DIP2B: variants seen among roughly 807,000 people sequenced by gnomAD.
DIP2B encodes the protein DIP2 acetate--CoA ligase B (putative).
A neutral mutation model predicts 198.0 loss-of-function variants in DIP2B; 76 were observed. That is an observed-to-expected ratio of 0.38 (90% CI 0.32 to 0.46). DIP2B has a LOEUF of 0.46. DIP2B is among the 20% of genes least tolerant of loss of function. The pLI is 0.99. For missense variants in DIP2B, 1,559 were observed against 1,978.4 expected (o/e 0.79, Z 4.02); for synonymous variants, 701 against 739.1 (o/e 0.95, Z 0.84).
At position 50,665,678 on chromosome 12, in the gene DIP2B, A is replaced by G. The variant is rs1938739787; in HGVS notation, c.427+5359A>G. ...TGTGTGCCTGTGGTTGTAGCCACTC[A>G]GGAGGCTGAGGTGGGAGAATCACTT... On this transcript the variant is annotated intron_variant, in intron 4 of 37. Coordinates refer to ENST00000301180, the MANE Select transcript of DIP2B (RefSeq NM_173602.3). Among the ~76,000 whole-genome samples the G allele has an allele frequency of 2.0e-5, 3 of 152,010 alleles. No individual in the cohort carries two copies. The South Asian group carries it at 6.2e-4, about 32-fold the overall frequency.
intron 1 of DIP2B, among the ~76,000 whole-genome samples, chr12:50,557,481 G>A (rs1269841380): frequency 6.6e-6 from 1 of 152,226 alleles, no homozygotes; most frequent in South Asian, 2.1e-4. Context: ...ATAAAGCATC[G>A]GCTGTACATT....
At chr12:50,595,146 A>T (rs1958867631) in intron 1 of DIP2B, among the ~76,000 whole-genome samples, 1 of 152,218 alleles carries the variant, frequency 6.6e-6, no homozygotes, top group Admixed American at 6.5e-5. Context: ...ACACATTCAC[A>T]GCCATTGGCT....
chr12:50,549,078 A>G (rs1958402230), intron 1 of DIP2B, among the ~76,000 whole-genome samples: 1 of 151,994 alleles, frequency 6.6e-6, no homozygotes, highest in South Asian at 2.1e-4. Flanking sequence ...ATTCCGGAGT[A>G]GTGAAACTTT....
chr12:50,627,401 A>G (rs111604875), intron 2 of DIP2B, among the ~76,000 whole-genome samples: 31 of 152,190 alleles, frequency 2.0e-4, no homozygotes, highest in African/African-American at 5.1e-4. Context: ...TGGTGCGATC[A>G]TGGTTCACTA....
chr12:50,663,081 C>G (rs1938681067), intron 4 of DIP2B, among the ~76,000 whole-genome samples: 1 of 152,054 alleles, frequency 6.6e-6, no homozygotes, highest in East Asian at 1.9e-4. Flanking sequence ...TCAGTCCAGC[C>G]TGGGTGACAG....
rs1940371464 is a variant in DIP2B at position 50,748,575 on chromosome 12, AATTTAAC to A, written c.*3739_*3745del. On this transcript the variant is annotated 3_prime_UTR_variant, in exon 38 of 38. Coordinates refer to ENST00000301180, the MANE Select transcript of DIP2B (RefSeq NM_173602.3). ...AAGTTAGACTAGATATACGTTTTTA[AATTTAAC>A]ATCTGGCTGGACAGTGTTCTATTAA... 6.6e-6 allele frequency: 1 copy of A among 152,636 alleles called. No individual in the cohort carries two copies. The highest frequency in any genetic ancestry group is 2.4e-5 in the African/African-American group (1 of 41,450). 9.5% of individuals were successfully genotyped at this position (152,636 alleles called of 1,614,324 possible). A position where few individuals can be genotyped will look rare whatever the true frequency, so the allele number is the denominator to read the frequency against.
chr12:50,594,381 T>C (rs1178926574), intron 1 of DIP2B, among the ~76,000 whole-genome samples: 2 of 152,216 alleles, frequency 1.3e-5, no homozygotes, highest in African/African-American at 4.8e-5. Context: ...CTCTTTGATA[T>C]GAATTCCCAT....
chr12:50,708,516 A>G lies in DIP2B; in HGVS notation c.2603A>G (p.Asp868Gly). 6.2e-7 allele frequency: 1 copy of G among 1,607,384 alleles called. No individual in the cohort carries two copies. The highest frequency in any genetic ancestry group is 2.2e-5 in the East Asian group (1 of 44,770). The change falls in exon 22 of 38, where the codon GAT becomes GGT. Residue 868 changes from aspartate to glycine, a missense_variant. Physicochemically the swap from Asp to Gly is moderately conservative, Grantham distance 94. Coordinates refer to ENST00000301180, the MANE Select transcript of DIP2B (RefSeq NM_173602.3). ...GTGGTGGTTGCGGAACAAAGACCTG[A>G]TGCTTCTGAGGAAGATAGTTTCCAG... ...RIVVVAEQRP[D>G]ASEEDSFQWM...
chr12:50,517,287 G>C (rs1958074667), intron 1 of DIP2B, among the ~76,000 whole-genome samples: 1 of 151,714 alleles, frequency 6.6e-6, no homozygotes, highest in Non-Finnish European at 1.5e-5. Context: ...TTGTTTCCCA[G>C]GCTGATCTCA....
At chr12:50,514,556 G>A (rs959554851) in intron 1 of DIP2B, among the ~76,000 whole-genome samples, 11 of 152,130 alleles carry the variant, frequency 7.2e-5, no homozygotes, top group African/African-American at 2.4e-4. Context: ...TCTCTTTTGA[G>A]ATCTTGGGAT....
chr12:50,740,146 G>A, intron 36 of DIP2B, among the ~76,000 whole-genome samples: 1 of 152,192 alleles, frequency 6.6e-6, no homozygotes, highest in East Asian at 1.9e-4. Flanking sequence ...CTTCCAGACT[G>A]ACACTTATAG....
intron 1 of DIP2B, among the ~76,000 whole-genome samples, chr12:50,600,050 C>G (rs1238437003): frequency 2.6e-5 from 4 of 152,172 alleles, no homozygotes; most frequent in South Asian, 2.1e-4. Flanking sequence ...TAAGCTACCT[C>G]AAATGTCAGA....
chr12:50,576,629 T>C (rs1485375291), intron 1 of DIP2B, among the ~76,000 whole-genome samples: 1 of 151,186 alleles, frequency 6.6e-6, no homozygotes, highest in Non-Finnish European at 1.5e-5. Flanking sequence ...CAGGCGCCCG[T>C]CACCACGCCT....
At chr12:50,507,184 G>T (rs1452390022) in intron 1 of DIP2B, among the ~76,000 whole-genome samples, 2 of 152,154 alleles carry the variant, frequency 1.3e-5, no homozygotes, top group African/African-American at 4.8e-5. Flanking sequence ...TCCAATGAAG[G>T]ATTATTTTGG....
intron 17 of DIP2B, 90 bp downstream of exon 17, chr12:50,697,265 A>T: frequency 1.7e-6 from 2 of 1,153,224 alleles, no homozygotes; most frequent in East Asian, 5.3e-5. Flanking sequence ...ACGGATGTTA[A>T]CTAATTTTCT....
intron 1 of DIP2B, among the ~76,000 whole-genome samples, chr12:50,517,330 C>T (rs1958074986): frequency 6.6e-6 from 1 of 152,026 alleles, no homozygotes; most frequent in Admixed American, 6.6e-5. Flanking sequence ...CCGTCTTGAC[C>T]TCCCAAAGTG....
chr12:50,669,484 G>A (rs1039082472), intron 4 of DIP2B, among the ~76,000 whole-genome samples: 6 of 152,166 alleles, frequency 3.9e-5, no homozygotes, highest in Admixed American at 1.3e-4. Flanking sequence ...GGGCAGTGAT[G>A]CTATCTCTGC....
chr12:50,541,776 T>A (rs1034256972), intron 1 of DIP2B, among the ~76,000 whole-genome samples: 1 of 135,926 alleles, frequency 7.4e-6, no homozygotes, highest in African/African-American at 2.8e-5. Flanking sequence ...CCGAGGTGGG[T>A]GGATCACTTG....
Position 50,572,823 on chromosome 12 carries a change from T to TA in DIP2B, c.101-53152dup, listed in dbSNP as rs573894568. 1.6e-3 allele frequency among the ~76,000 whole-genome samples: 243 copies of TA among 152,326 alleles called. 1 individual carries two copies. The highest frequency in any genetic ancestry group is 3.4e-3 in the Middle Eastern group (1 of 294). On this transcript the variant is annotated intron_variant, in intron 1 of 37. Transcript: ENST00000301180. ...GTGCCTCCTTCCATAAATTAACATTTACTTCAGTAGATGCTTTTCATGGAG... is the reference window on the plus strand; with the variant it reads ...GTGCCTCCTTCCATAAATTAACATTTAACTTCAGTAGATGCTTTTCATGGAG...
Sources: allele counts gnomAD v4.1 joint callset (sites outside exome capture counted in the v4.1 genomes callset), GRCh38; gene constraint gnomAD v4.1.1; transcripts MANE v1.5; gene names NCBI Gene and HGNC (gene_info 2026-07-23, HGNC 2026-07-21).